ALOX15B: variants seen among roughly 807,000 people sequenced by gnomAD.
The protein encoded by ALOX15B is arachidonate 15-lipoxygenase type B.
A neutral mutation model predicts 73.8 loss-of-function variants in ALOX15B; 74 were observed. The observed-to-expected ratio is 1.00, with a 90% CI of 0.83 to 1.22. ALOX15B has a LOEUF of 1.22. ALOX15B is among the 50% of genes most tolerant of loss of function. The probability of loss-of-function intolerance (pLI) is 0.00; values close to 1 mark genes in which losing one functional copy is unlikely to be tolerated. For missense variants in ALOX15B, 896 were observed against 859.9 expected, an observed-to-expected ratio of 1.04 and a Z score of -0.52; for synonymous variants, 353 against 357.2, an observed-to-expected ratio of 0.99 and a Z score of 0.13.
At position 8,045,339 on chromosome 17, in the gene ALOX15B, A is replaced by G. The variant is rs1228070155; in HGVS notation, c.951A>G (p.Leu317=). 2.8e-5 allele frequency: 45 copies of G among 1,613,976 alleles called. No individual in the cohort carries two copies. Among genetic ancestry groups the G allele is most frequent in the Non-Finnish European group, 3.2e-5 (38 of 1,180,014 alleles). The change falls in exon 7 of 14, where the codon CTA becomes CTG. Residue 317 remains leucine (L), a synonymous_variant. Transcript: ENST00000380183. The part of the protein sequence containing the change: ...PQFSAAPMTL[L]YQSPGCGPLL... ...TCTCTGCGGCCCCAATGACCCTGCTATACCAGAGCCCAGGCTGCGGGCCGC... is the reference window on the plus strand; with the variant it reads ...TCTCTGCGGCCCCAATGACCCTGCTGTACCAGAGCCCAGGCTGCGGGCCGC...
Position 8,045,261 on chromosome 17 carries a change from T to C in ALOX15B, c.873T>C (p.Asp291=), listed in dbSNP as rs777013642. ...AGAAGGGCTCCCTGTTCTTGGTGGATCACGGCATCCTCTCTGGCATCCAGA... is the reference window on the plus strand; with the variant it reads ...AGAAGGGCTCCCTGTTCTTGGTGGACCACGGCATCCTCTCTGGCATCCAGA... ...ELEKGSLFLV[D]HGILSGIQTN... is the part of the protein sequence containing the mutation. The change falls in exon 7 of 14, where the codon GAT becomes GAC. Residue 291 remains aspartate (D), a synonymous_variant. Transcript: ENST00000380183. 2 of 1,614,126 alleles carry C rather than the reference T, an allele frequency of 1.2e-6. No individual in the cohort carries two copies. The highest frequency in any genetic ancestry group is 8.5e-7 in the Non-Finnish European group (1 of 1,180,020).
At position 8,039,621 on chromosome 17, in the gene ALOX15B, G is replaced by T; in HGVS notation, c.367+16G>T. 1.7e-6 allele frequency: 2 copies of T among 1,181,594 alleles called. No homozygotes were observed. The highest frequency in any genetic ancestry group is 2.1e-5 in the Admixed American group (1 of 46,512). 73.2% of individuals were successfully genotyped at this position (1,181,594 alleles called of 1,614,324 possible). A position where few individuals can be genotyped will look rare whatever the true frequency, so the allele number is the denominator to read the frequency against. ...GAGGGTACAGGTGAGGGGCGGGCCG[G>T]GCTGGGGCTGCAGGGGGAGCACAGG... On this transcript the variant is annotated intron_variant, in intron 2 of 13. Coordinates refer to ENST00000380183, the MANE Select transcript of ALOX15B (RefSeq NM_001141.3).
Position 8,048,561 on chromosome 17 carries a change from T to C in ALOX15B, c.2027T>C (p.Ile676Thr). 6.2e-7 allele frequency: 1 copy of C among 1,612,934 alleles called. No individual in the cohort carries two copies. The highest frequency in any genetic ancestry group is 1.7e-4 in the Middle Eastern group (1 of 6,052). Residue 676 changes from isoleucine (I) to threonine (T), a missense_variant, in exon 14 of 14, where the codon ATC becomes ACC. By Grantham distance (89) the Ile-to-Thr change is moderately conservative. Transcript: ENST00000380183. ...DPPLIENSVS[I>T] ...CCCCTCATCGAGAACAGCGTCTCCATCTAAATCCCAGGGGAACACAGGCCC... is the reference window on the plus strand; with the variant it reads ...CCCCTCATCGAGAACAGCGTCTCCACCTAAATCCCAGGGGAACACAGGCCC...
intron 13 of ALOX15B, 135 bp downstream of exon 13, chr17:8,048,050 A>G: frequency 1.8e-6 from 2 of 1,083,648 alleles, no homozygotes; most frequent in Non-Finnish European, 2.6e-6. Flanking sequence ...AGTGGGACAC[A>G]TGAGCCTTGG....
chr17:8,043,759 G>A (rs1050236064), intron 5 of ALOX15B, among the ~76,000 whole-genome samples: 1 of 152,052 alleles, frequency 6.6e-6, no homozygotes, highest in Non-Finnish European at 1.5e-5. Context: ...TATGTGAGGG[G>A]TACTGCCAAG....
At chr17:8,040,470 G>T (rs1009248053) in intron 3 of ALOX15B, among the ~76,000 whole-genome samples, 1 of 151,366 alleles carries the variant, frequency 6.6e-6, no homozygotes, top group East Asian at 1.9e-4. Flanking sequence ...GCTTGAACCC[G>T]GGTGGTGGAG....
Position 8,042,707 on chromosome 17 carries a change from G to A in ALOX15B, c.573-74G>A, listed in dbSNP as rs1976494322. ...GGAGGCTGGTTCAGGATCCCAAGAG[G>A]CATAAGGCTGGCTGACAGGGAAGGG... On this transcript the variant is annotated intron_variant, in intron 4 of 13. Coordinates refer to ENST00000380183, the MANE Select transcript of ALOX15B (RefSeq NM_001141.3). 20 of 1,421,466 alleles carry A rather than the reference G, an allele frequency of 1.4e-5. No homozygotes were observed. In the East Asian group the frequency reaches 5.0e-4, roughly 35 times the overall value. The allele number at this position is 1,421,466 out of a possible 1,614,324, so 88.1% of individuals were successfully genotyped here.
Position 8,044,843 on chromosome 17 carries a change from C to T in ALOX15B, c.691C>T (p.His231Tyr). Residue 231 changes from histidine (H) to tyrosine (Y), a missense_variant, in exon 6 of 14, where the codon CAC becomes TAC. By Grantham distance (83) the His-to-Tyr change is moderately conservative. Coordinates refer to ENST00000380183, the MANE Select transcript of ALOX15B (RefSeq NM_001141.3). ...ACCCCCTGCAGAGCACGCATTTGAG[C>T]ACTGGCAGGAGGACGCCTTCTTCGC... ...RTPAAEHAFE[H>Y]WQEDAFFASQ... 6.2e-7 allele frequency: 1 copy of T among 1,602,860 alleles called. No individual in the cohort carries two copies. Among genetic ancestry groups the T allele is most frequent in the Non-Finnish European group, 8.5e-7 (1 of 1,173,746 alleles).
At chr17:8,042,651 C>G in intron 4 of ALOX15B, 130 bp from the exon 5 acceptor site, 1 of 1,327,976 alleles carries the variant, frequency 7.5e-7, no homozygotes, top group Non-Finnish European at 1.0e-6. Context: ...AGAGCAACAG[C>G]TACCTTAGGG....
chr17:8,042,104 G>C (rs1352848697), intron 3 of ALOX15B, among the ~76,000 whole-genome samples: 1 of 152,176 alleles, frequency 6.6e-6, no homozygotes, highest in African/African-American at 2.4e-5. Context: ...AAATTCCCTG[G>C]AAAGGACTCT....
At position 8,042,764 on chromosome 17, in the gene ALOX15B, C is replaced by A; in HGVS notation, c.573-17C>A. 6.4e-7 allele frequency: 1 copy of A among 1,550,480 alleles called. No individual in the cohort carries two copies. The highest frequency in any genetic ancestry group is 2.4e-5 in the East Asian group (1 of 41,446). ...AGGGCCTCCTCCCCACTCCCCACCC[C>A]TCACATCCCCTGGCAGTTTTGCAGA... On this transcript the variant is annotated splice_polypyrimidine_tract_variant and intron_variant, in intron 4 of 13. Coordinates refer to ENST00000380183, the MANE Select transcript of ALOX15B (RefSeq NM_001141.3).
rs1309994144 is a variant in ALOX15B at position 8,044,799 on chromosome 17, C to G, written c.677-30C>G. On this transcript the variant is annotated intron_variant, in intron 5 of 13. Coordinates refer to ENST00000380183, the MANE Select transcript of ALOX15B (RefSeq NM_001141.3). Reference sequence around the variant, plus strand: ...CCCTGCAAAGCACGCATTTGAGTGACCCCGTTCCCCTGTCCCCCACCCCCT... The same window carrying G: ...CCCTGCAAAGCACGCATTTGAGTGAGCCCGTTCCCCTGTCCCCCACCCCCT... The G allele has an allele frequency of 2.4e-6, 3 of 1,246,702 alleles. No individual in the cohort carries two copies. In the East Asian group the frequency reaches 1.1e-4, roughly 44 times the overall value. 77.2% of individuals were successfully genotyped at this position (1,246,702 alleles called of 1,614,324 possible).
rs1468505883 is a variant in ALOX15B at position 8,048,900 on chromosome 17, A to G, written c.*335A>G. On this transcript the variant is annotated 3_prime_UTR_variant, in exon 14 of 14. Transcript: ENST00000380183. ...GTTTTACAGCCGTGGGGGGAAGCAC[A>G]TAATCCCGCCCCAGGGCCCACTAGC... The G allele has an allele frequency of 7.4e-5, 15 of 202,538 alleles. No individual in the cohort carries two copies. The East Asian group carries it at 9.5e-4, about 13-fold the overall frequency. 12.5% of individuals were successfully genotyped at this position (202,538 alleles called of 1,614,324 possible).
At chr17:8,048,338 T>G (rs1460224174) in intron 13 of ALOX15B, 48 bp from the exon 14 acceptor site, 1 of 1,573,846 alleles carries the variant, frequency 6.4e-7, no homozygotes, top group Non-Finnish European at 8.6e-7. Context: ...GAGTCTGGGA[T>G]GCAGGACCTC....
intron 5 of ALOX15B, 66 bp from the exon 6 acceptor site, chr17:8,044,763 T>A (rs1976557436): frequency 3.6e-6 from 2 of 552,900 alleles, no homozygotes; most frequent in Non-Finnish European, 3.2e-6. Flanking sequence ...CCCGTCCCCG[T>A]GTCCCCCACC....
rs1458933484 is a variant in ALOX15B, at chr17:8,047,614, A to G, written c.1630A>G (p.Met544Val). The G allele has an allele frequency of 3.1e-6, 5 of 1,611,418 alleles. No homozygotes were observed. The highest frequency in any genetic ancestry group is 1.7e-5 in the Admixed American group (1 of 59,540). Reference sequence around the variant, plus strand: ...GGAAGCCCTGGTGCAGTATGTCACCATGGTGATATTCACCTGCTCCGCCAA... The same window carrying G: ...GGAAGCCCTGGTGCAGTATGTCACCGTGGTGATATTCACCTGCTCCGCCAA... ...TREALVQYVT[M>V]VIFTCSAKHA... The change falls in exon 12 of 14, where the codon ATG becomes GTG. Residue 544 changes from methionine (M) to valine (V), a missense_variant. By Grantham distance (21) the Met-to-Val change is conservative. Coordinates refer to ENST00000380183, the MANE Select transcript of ALOX15B (RefSeq NM_001141.3).
rs1976686137 is a variant in ALOX15B at position 8,048,869 on chromosome 17, T to C, written c.*304T>C. On this transcript the variant is annotated 3_prime_UTR_variant, in exon 14 of 14. Transcript: ENST00000380183. ...TTGAGGGTTTTGCTAGTTGGTTTTGTTTTGCGTTTTACAGCCGTGGGGGGA... is the reference window on the plus strand; with the variant it reads ...TTGAGGGTTTTGCTAGTTGGTTTTGCTTTGCGTTTTACAGCCGTGGGGGGA... 1 of 260,468 alleles carries C rather than the reference T, an allele frequency of 3.8e-6. No individual in the cohort carries two copies. Among genetic ancestry groups the C allele is most frequent in the East Asian group, 7.4e-5 (1 of 13,568 alleles). 16.1% of individuals were successfully genotyped at this position (260,468 alleles called of 1,614,324 possible). A position where few individuals can be genotyped will look rare whatever the true frequency, so the allele number is the denominator to read the frequency against.
chr17:8,047,826 G>A lies in ALOX15B; in HGVS notation c.1762G>A (p.Glu588Lys), dbSNP rs775561817. The A allele has an allele frequency of 1.5e-5, 25 of 1,614,016 alleles. 2 individuals carry two copies. Among genetic ancestry groups the A allele is most frequent in the South Asian group, 1.4e-4 (13 of 91,086 alleles). The stretch of plus-strand genomic sequence containing the variant: ...CACCTCCAAAGGCCTGGCAACATGC[G>A]AGGGCTTCATAGCCACCCTCCCACC... ...PPTSKGLATCEGFIATLPPVN... is the reference protein window; with the variant it reads ...PPTSKGLATCKGFIATLPPVN... The change falls in exon 13 of 14, where the codon GAG becomes AAG. Residue 588 changes from glutamate to lysine, a missense_variant. Physicochemically the swap from Glu to Lys is moderately conservative, Grantham distance 56. Coordinates refer to ENST00000380183, the MANE Select transcript of ALOX15B (RefSeq NM_001141.3).
At position 8,048,715 on chromosome 17, in the gene ALOX15B, T is replaced by TAAACAC; in HGVS notation, c.*151_*152insAACACA. The TAAACAC allele has an allele frequency of 1.4e-6, 1 of 728,456 alleles. No individual in the cohort carries two copies. The highest frequency in any genetic ancestry group is 2.1e-6 in the Non-Finnish European group (1 of 467,952). 45.1% of individuals were successfully genotyped at this position (728,456 alleles called of 1,614,324 possible). On this transcript the variant is annotated 3_prime_UTR_variant, in exon 14 of 14. Transcript: ENST00000380183. ...ACTCTGTAACTCACCCCCACCACCATACACACACACAAAAACAGAAACAAA... is the reference window on the plus strand; with the variant it reads ...ACTCTGTAACTCACCCCCACCACCATAAACACACACACACACAAAAACAGAAACAAA...
Sources: gnomAD v4.1 joint callset for allele counts (sites outside exome capture counted in the v4.1 genomes callset) on GRCh38, gnomAD v4.1.1 for gene constraint, MANE v1.5 for transcripts, NCBI Gene and HGNC (gene_info 2026-07-23, HGNC 2026-07-21) for gene names.